The following ANO2 variants were observed in gnomAD, a reference collection of about 807,000 sequenced individuals.
ANO2 encodes the protein anoctamin 2, also known as anoctamin-2.
ANO2 carries 101 observed loss-of-function variants against 124.2 expected under a neutral mutation model. That is an observed-to-expected ratio of 0.81 (90% CI 0.69 to 0.96). ANO2 has a LOEUF of 0.96. Ranked by LOEUF, ANO2 falls within the 40% of genes least tolerant of loss-of-function variation. The pLI is 0.00. For missense variants in ANO2, 1,293 were observed against 1,274.5 expected, an observed-to-expected ratio of 1.01 and a Z score of -0.22; for synonymous variants, 486 against 482.5, an observed-to-expected ratio of 1.01 and a Z score of -0.09.
chr12:5,847,568 A>G (rs1179991256), intron 4 of ANO2, among the ~76,000 whole-genome samples: 2 of 136,866 alleles, frequency 1.5e-5, no homozygotes, highest in African/African-American at 2.5e-5. Context: ...CTGGCTGAGT[A>G]GAGTCCCTCA....
chr12:5,762,288 T>C (rs1951764508), intron 10 of ANO2, among the ~76,000 whole-genome samples: 1 of 151,986 alleles, frequency 6.6e-6, no homozygotes, highest in Non-Finnish European at 1.5e-5. Flanking sequence ...GGAACTAAAA[T>C]ACCTGGGTCT....
intron 1 of ANO2, among the ~76,000 whole-genome samples, chr12:5,928,312 T>C (rs192939767): frequency 2.2e-4 from 34 of 152,342 alleles, no homozygotes; most frequent in Middle Eastern, 6.8e-3. Flanking sequence ...CCAAAGCCAC[T>C]GCTTCCAGCA....
intron 3 of ANO2, among the ~76,000 whole-genome samples, chr12:5,910,997 T>G (rs1371849947): frequency 6.6e-6 from 1 of 152,214 alleles, no homozygotes; most frequent in Non-Finnish European, 1.5e-5. Flanking sequence ...CACCCACTCC[T>G]GCTGGACCCC....
chr12:5,826,370 G>C (rs543497566), intron 7 of ANO2, among the ~76,000 whole-genome samples: 1 of 150,684 alleles, frequency 6.6e-6, no homozygotes, highest in African/African-American at 2.4e-5. Flanking sequence ...TTGATCCTGG[G>C]TGTGTCTGAG....
At position 5,904,283 on chromosome 12, in the gene ANO2, G is replaced by C. The variant is rs1396725204; in HGVS notation, c.534+16757C>G. On this transcript the variant is annotated intron_variant, in intron 3 of 24. Transcript: ENST00000682330. This position sits in a 1 kb window ranked among gnomAD's most constrained non-coding sequence, Gnocchi z 4.1. ...CAATATGATGTGATTTCCAGAACCT[G>C]CTCCACCTGCTGGTGCCCAATACAC... is the stretch of plus-strand genomic sequence containing the variant. Among the ~76,000 whole-genome samples the C allele has an allele frequency of 6.6e-6, 1 of 152,200 alleles. No individual in the cohort carries two copies. The highest frequency in any genetic ancestry group is 1.5e-5 in the Non-Finnish European group (1 of 68,034).
chr12:5,873,440 CTA>C (rs1937869281), intron 3 of ANO2, among the ~76,000 whole-genome samples: 1 of 152,194 alleles, frequency 6.6e-6, no homozygotes, highest in Admixed American at 6.5e-5. Flanking sequence ...ACTTCACACT[CTA>C]TGCCCTACTA....
chr12:5,789,575 G>A (rs1952639232), intron 10 of ANO2, among the ~76,000 whole-genome samples: 2 of 152,354 alleles, frequency 1.3e-5, no homozygotes, highest in Non-Finnish European at 2.9e-5. Context: ...ATTTGCCAGA[G>A]GCAGGCAGTA....
intron 14 of ANO2, among the ~76,000 whole-genome samples, chr12:5,690,386 C>T (rs1227040784): frequency 6.6e-6 from 1 of 152,186 alleles, no homozygotes; most frequent in African/African-American, 2.4e-5. Flanking sequence ...ACTGGGGGAG[C>T]CACAGCTGCT....
At chr12:5,936,442 A>G (rs574591287) in intron 1 of ANO2, among the ~76,000 whole-genome samples, 20 of 152,294 alleles carry the variant, frequency 1.3e-4, no homozygotes, top group African/African-American at 7.2e-5. Flanking sequence ...CCCTTATAAA[A>G]GGGCTCAAAG....
At chr12:5,797,595 T>A (rs1024059490) in intron 10 of ANO2, among the ~76,000 whole-genome samples, 2 of 151,738 alleles carry the variant, frequency 1.3e-5, no homozygotes, top group African/African-American at 2.4e-5. Flanking sequence ...AGCCCTTCCA[T>A]CACTTCTCTT....
At chr12:5,887,003 T>C (rs1938961778) in intron 3 of ANO2, among the ~76,000 whole-genome samples, 1 of 152,098 alleles carries the variant, frequency 6.6e-6, no homozygotes, top group South Asian at 2.1e-4. Context: ...GCTGTGGAGA[T>C]GGATGGTAGT....
rs562868506 is a variant in ANO2, at chr12:5,564,881, G to A, written c.2727+677C>T. 7.2e-5 allele frequency among the ~76,000 whole-genome samples: 11 copies of A among 152,272 alleles called. No homozygotes were observed. The East Asian group carries it at 1.5e-3, about 21-fold the overall frequency. On this transcript the variant is annotated intron_variant, in intron 24 of 24. Coordinates refer to ENST00000682330, the MANE Select transcript of ANO2 (RefSeq NM_001364791.2). ...GAGCCCCCCAGAGATCTGCCTTCAG[G>A]GAATACAAAAGCCTGAGGGAGCCAA...
chr12:5,830,757 G>A (rs1157755305), intron 5 of ANO2, among the ~76,000 whole-genome samples: 2 of 152,132 alleles, frequency 1.3e-5, no homozygotes, highest in Admixed American at 6.5e-5. Context: ...AAAGATTATA[G>A]CAATAAGATG....
chr12:5,798,878 T>C (rs1456124516), intron 10 of ANO2, among the ~76,000 whole-genome samples: 1 of 152,208 alleles, frequency 6.6e-6, no homozygotes, highest in Non-Finnish European at 1.5e-5. Flanking sequence ...CCTGAAGCCA[T>C]TTTAAACTAG....
chr12:5,728,211 A>G (rs990937751), intron 14 of ANO2, among the ~76,000 whole-genome samples: 1 of 152,186 alleles, frequency 6.6e-6, no homozygotes, highest in African/African-American at 2.4e-5. Flanking sequence ...AAAGAAGTAA[A>G]ACTATCACTA....
chr12:5,702,522 G>A (rs1161536411), intron 14 of ANO2, among the ~76,000 whole-genome samples: 1 of 151,422 alleles, frequency 6.6e-6, no homozygotes, highest in Non-Finnish European at 1.5e-5. Context: ...CAACTCACAT[G>A]GCCAACAAAC....
chr12:5,606,085 A>G (rs911166732), intron 19 of ANO2, among the ~76,000 whole-genome samples: 6 of 152,084 alleles, frequency 3.9e-5, no homozygotes, highest in Non-Finnish European at 8.8e-5. Flanking sequence ...CCTTTGAAGC[A>G]TTTTGTTTCC....
intron 1 of ANO2, among the ~76,000 whole-genome samples, chr12:5,930,421 A>G (rs1031450550): frequency 1.6e-4 from 25 of 152,170 alleles, no homozygotes; most frequent in African/African-American, 6.0e-4. Context: ...CCAGCAGTGG[A>G]TGAGTGTTGG....
intron 1 of ANO2, among the ~76,000 whole-genome samples, chr12:5,936,845 T>C (rs1942673306): frequency 6.6e-6 from 1 of 152,234 alleles, no homozygotes; most frequent in Non-Finnish European, 1.5e-5. Flanking sequence ...TCTTTGTACA[T>C]GACTCTCTAG....
Sources: gnomAD v4.1 joint callset for allele counts (sites outside exome capture counted in the v4.1 genomes callset) on GRCh38, gnomAD v4.1.1 for gene constraint, Gnocchi (gnomAD v3.1) non-coding constraint, MANE v1.5 for transcripts, NCBI Gene and HGNC (gene_info 2026-07-23, HGNC 2026-07-21) for gene names.